Variants in DST observed in about 807,000 individuals in gnomAD.
DST encodes the protein bullous pemphigoid antigen.
A neutral mutation model predicts 875.2 loss-of-function variants in DST; 253 were observed. The observed-to-expected ratio is 0.29, with a 90% CI of 0.26 to 0.32. The LOEUF is 0.32. Among genes scored for constraint, DST ranks in the 10% least tolerant of loss-of-function variants. DST has a pLI of 1.00. For missense variants in DST, 8,287 were observed against 9,111.6 expected, an observed-to-expected ratio of 0.91 and a Z score of 3.68; for synonymous variants, 3,124 against 3,197.1, an observed-to-expected ratio of 0.98 and a Z score of 0.77.
At chr6:56,769,335 C>A (rs1252713379) in intron 4 of DST, among the ~76,000 whole-genome samples, 2 of 152,182 alleles carry the variant, frequency 1.3e-5, no homozygotes, top group Non-Finnish European at 2.9e-5. Context: ...CTCTCTTTAA[C>A]TGATGGTGGA....
chr6:56,935,129 T>A (rs1410777328), intron 2 of DST, among the ~76,000 whole-genome samples: 1 of 152,238 alleles, frequency 6.6e-6, no homozygotes, highest in African/African-American at 2.4e-5. Flanking sequence ...CATTATTAAC[T>A]GAAGTTTCTA....
At chr6:56,477,257 C>A in intron 91 of DST, 88 bp downstream of exon 91, 1 of 1,411,812 alleles carries the variant, frequency 7.1e-7, no homozygotes, top group Non-Finnish European at 9.5e-7. Flanking sequence ...TTCCCATGGC[C>A]ATAAGTGCAT....
chr6:56,532,229 TACATGATAAACATAGGAAA>T, intron 64 of DST, 96 bp downstream of exon 64: 1 of 960,000 alleles, frequency 1.0e-6, no homozygotes, highest in Non-Finnish European at 1.6e-6. Context: ...TCTGTTCACA[TACATGATAAACATAGGAAA>T]ATCATGATTT....
chr6:56,700,596 A>C (rs1476392086), intron 8 of DST, among the ~76,000 whole-genome samples: 1 of 152,204 alleles, frequency 6.6e-6, no homozygotes, highest in East Asian at 1.9e-4. Context: ...TTTTAAAATA[A>C]TATAATACTC....
chr6:56,912,135 A>C (rs1799028937), intron 2 of DST, among the ~76,000 whole-genome samples: 1 of 152,180 alleles, frequency 6.6e-6, no homozygotes. Context: ...GCCCCAACAA[A>C]TTCTGGGAGA....
chr6:56,945,689 T>C (rs1394287375), intron 2 of DST: 3 of 152,088 alleles, frequency 2.0e-5, no homozygotes, highest in Admixed American at 2.0e-4. Context: ...AAAATCTAAA[T>C]AAGCAAAAAT....
chr6:56,880,247 A>G (rs1395185679), intron 3 of DST, among the ~76,000 whole-genome samples: 3 of 152,226 alleles, frequency 2.0e-5, no homozygotes, highest in African/African-American at 4.8e-5. Context: ...AAATCTTACA[A>G]TTCTCTGGTG....
At position 56,515,471 on chromosome 6, in the gene DST, C is replaced by A. The variant is rs375295972; in HGVS notation, c.18555G>T (p.Arg6185Ser). The A allele has an allele frequency of 1.2e-6, 2 of 1,613,704 alleles. No individual in the cohort carries two copies. The highest frequency in any genetic ancestry group is 1.7e-6 in the Non-Finnish European group (2 of 1,179,796). ...TTACCCGATGTTCTTCCTGCTGCTG[C>A]CTTAGAGTTTCATATTCAAGGGCTG... ...PAPALEYETL[R>S]QQQEEHRQLR... The change falls in exon 72 of 104, where the codon AGG (arginine) becomes AGT (serine). Residue 6185 changes from arginine (R) to serine (S), a missense_variant. By Grantham distance (110) the Arg-to-Ser change is moderately radical (BLOSUM62 -1). Transcript: ENST00000680361.
intron 69 of DST, among the ~76,000 whole-genome samples, chr6:56,522,982 C>T (rs569277111): frequency 1.5e-4 from 23 of 152,158 alleles, no homozygotes; most frequent in South Asian, 2.1e-4. Flanking sequence ...TGCTACTCTG[C>T]GTAGGTTTAA....
chr6:56,558,297 G>A (rs1218425737), intron 58 of DST, among the ~76,000 whole-genome samples: 1 of 152,092 alleles, frequency 6.6e-6, no homozygotes, highest in Non-Finnish European at 1.5e-5. Context: ...TAGAGTGCAT[G>A]TGATAATTTA....
intron 3 of DST, among the ~76,000 whole-genome samples, chr6:56,869,268 A>C (rs1242117242): frequency 6.6e-6 from 1 of 152,228 alleles, no homozygotes; most frequent in Middle Eastern, 3.2e-3. Flanking sequence ...ATGCTGGATA[A>C]AATATTTTTA....
At chr6:56,645,724 C>A in intron 15 of DST, 142 bp downstream of exon 15, 1 of 958,506 alleles carries the variant, frequency 1.0e-6, no homozygotes, top group Non-Finnish European at 1.6e-6. Flanking sequence ...AGAAGAGTTT[C>A]TAGGTAAGAA....
chr6:56,905,275 T>C (rs1457263840), intron 2 of DST, among the ~76,000 whole-genome samples: 2 of 152,166 alleles, frequency 1.3e-5, no homozygotes, highest in Admixed American at 6.5e-5. Flanking sequence ...ACATTTATCA[T>C]GAGATCTGCT....
Position 56,471,278 on chromosome 6 carries a change from CAA to C in DST, c.22159-12_22159-11del. The C allele has an allele frequency of 6.4e-7, 1 of 1,565,058 alleles. No individual in the cohort carries two copies. The stretch of plus-strand genomic sequence containing the variant: ...TAGCAAATTCCCTCAGCTAAAAGGA[CAA>C]AAAGTATTTTGATTGAGTTAATGCT... On this transcript the variant is annotated splice_polypyrimidine_tract_variant and intron_variant, in intron 94 of 103. Transcript: ENST00000680361.
At chr6:56,476,840 T>C (rs2095216855) in intron 91 of DST, among the ~76,000 whole-genome samples, 1 of 151,926 alleles carries the variant, frequency 6.6e-6, no homozygotes, top group Non-Finnish European at 1.5e-5. Flanking sequence ...TAATCCCAGC[T>C]ACTCGGGAGG....
chr6:56,624,607 A>T lies in DST; in HGVS notation c.4852T>A (p.Tyr1618Asn). 1 of 1,612,992 alleles carries T rather than the reference A, an allele frequency of 6.2e-7. No individual in the cohort carries two copies. The highest frequency in any genetic ancestry group is 8.5e-7 in the Non-Finnish European group (1 of 1,179,244). Residue 1618 changes from tyrosine (Y) to asparagine (N), a missense_variant, in exon 36 of 104, where the codon TAT becomes AAT. By Grantham distance (143) the Tyr-to-Asn change is moderately radical (BLOSUM62 -2). Around this residue, in one of 10 missense-constraint regions of DST, gnomAD observed 3,138 missense variants for 3,116.6 expected, o/e 1.01. Coordinates refer to ENST00000680361, the MANE Select transcript of DST (RefSeq NM_001374736.1). Reference protein sequence around the residue: ...IQEFMDLRTRYTALVTLMTQY... With the variant: ...IQEFMDLRTRNTALVTLMTQY... Reference sequence around the variant, plus strand: ...GTCATGAGAGTGACCAGGGCAGTATATCGAGTCCTTAGGTCCATGAACTGC... The same window carrying T: ...GTCATGAGAGTGACCAGGGCAGTATTTCGAGTCCTTAGGTCCATGAACTGC...
chr6:56,520,531 C>T (rs2096676108), intron 69 of DST, among the ~76,000 whole-genome samples: 1 of 151,958 alleles, frequency 6.6e-6, no homozygotes, highest in Non-Finnish European at 1.5e-5. Context: ...AAAGATGTTA[C>T]CACTGGGGAA....
At chr6:56,841,426 G>A (rs1451616163) in intron 4 of DST, among the ~76,000 whole-genome samples, 1 of 152,184 alleles carries the variant, frequency 6.6e-6, no homozygotes, top group Non-Finnish European at 1.5e-5. Context: ...GTTTGAAAAT[G>A]TATCTGTTTA....
intron 9 of DST, chr6:56,693,371 G>T: frequency 8.9e-7 from 1 of 1,121,866 alleles, no homozygotes; most frequent in Non-Finnish European, 1.1e-6. Flanking sequence ...TAGACACTGT[G>T]GCTTATTTCT....
Sources: gnomAD v4.1 joint callset for allele counts (sites outside exome capture counted in the v4.1 genomes callset) on GRCh38, gnomAD v4.1.1 for gene constraint, gnomAD v4.1.1 regional missense constraint, MANE v1.5 for transcripts, NCBI Gene and HGNC (gene_info 2026-07-23, HGNC 2026-07-21) for gene names.